The following ZNF667 variants were observed in gnomAD, a reference collection of about 807,000 sequenced individuals.
ZNF667 encodes the protein zinc finger protein 667, also known as myocardial ischemic preconditioning upregulated 1 ortholog.
Under a neutral mutation model 31.8 loss-of-function variants are expected in ZNF667, and 13 were observed. That is an observed-to-expected ratio of 0.41 (90% CI 0.27 to 0.65). The LOEUF (loss-of-function observed/expected upper bound fraction) is 0.65. Among genes scored for constraint, ZNF667 ranks in the 30% least tolerant of loss-of-function variants. The pLI, the probability that ZNF667 is intolerant of heterozygous loss-of-function variation, is 0.32. For synonymous variants in ZNF667, 228 were observed against 247.1 expected, an observed-to-expected ratio of 0.92 and a Z score of 0.73; for missense variants, 642 against 725.6, an observed-to-expected ratio of 0.88 and a Z score of 1.32.
At chr19:56,477,605 G>A (rs150574972), upstream of ZNF667, 614 of 152,708 alleles carry the variant, frequency 4.0e-3, 2 homozygotes, top group Non-Finnish European at 6.2e-3. Flanking sequence ...GGTCTCCTAG[G>A]GGACTGGCGC....
Position 56,476,111 on chromosome 19 carries a change from T to G in ZNF667, c.-662+1161A>C, listed in dbSNP as rs2043400291. ...TCTGTTATTACTACTGTTTTACAAGTGAACCGAGGAGTGGTGGACTTAAGT... is the reference window on the plus strand; with the variant it reads ...TCTGTTATTACTACTGTTTTACAAGGGAACCGAGGAGTGGTGGACTTAAGT... On this transcript the variant is annotated intron_variant, in intron 1 of 6. Transcript: ENST00000504904. Among the ~76,000 whole-genome samples, 4 of 152,290 alleles carry G rather than the reference T, an allele frequency of 2.6e-5. No individual in the cohort carries two copies. In the South Asian group the frequency reaches 8.3e-4, roughly 32 times the overall value.
At chr19:56,453,089 T>C (rs192729557) in intron 6 of ZNF667, among the ~76,000 whole-genome samples, 310 of 152,228 alleles carry the variant, frequency 2.0e-3, no homozygotes, top group African/African-American at 6.1e-3. Context: ...GAGACTACTA[T>C]GAGCAACCTA....
At chr19:56,447,643 G>T (rs370198993) in intron 6 of ZNF667, among the ~76,000 whole-genome samples, 3 of 151,948 alleles carry the variant, frequency 2.0e-5, no homozygotes, top group Admixed American at 2.0e-4. Flanking sequence ...AGCACTTTGG[G>T]AGGCCGAGGT....
Position 56,440,640 on chromosome 19 carries a change from ATT to A in ZNF667, c.*520_*521del, listed in dbSNP as rs5828682. The A allele has an allele frequency of 5.2e-4, 428 of 830,338 alleles. No homozygotes were observed. The highest frequency in any genetic ancestry group is 6.2e-4 in the Middle Eastern group (1 of 1,626). 51.4% of individuals were successfully genotyped at this position (830,338 alleles called of 1,614,324 possible). On this transcript the variant is annotated 3_prime_UTR_variant, in exon 7 of 7. Coordinates refer to ENST00000504904, the MANE Select transcript of ZNF667 (RefSeq NM_001321356.2). ...CTATGCTGGAAGTAAAATATCGGTA[ATT>A]TTTTTTTTTTTTGACACAGAGTCTT... is the stretch of plus-strand genomic sequence containing the variant.
chr19:56,461,954 CAT>C (rs151116974), intron 4 of ZNF667, among the ~76,000 whole-genome samples: 1,788 of 152,354 alleles, frequency 0.012, 44 homozygotes, highest in African/African-American at 0.041. Flanking sequence ...CTCCAGAGCA[CAT>C]GTCAAGTCCC....
rs2147840946 is a variant in ZNF667 at position 56,471,832 on chromosome 19, A to G, written c.-193T>C. On this transcript the variant is annotated 5_prime_UTR_variant, in exon 3 of 7. Coordinates refer to ENST00000504904, the MANE Select transcript of ZNF667 (RefSeq NM_001321356.2). ...AGCCACGCACCCCAAATTTGAGAAG[A>G]TGATTCTTGTCTGATATGGTCTGGC... The G allele has an allele frequency of 1.3e-5, 2 of 152,334 alleles. 1 individual carries two copies. Among genetic ancestry groups the G allele is most frequent in the Non-Finnish European group, 2.9e-5 (2 of 68,034 alleles). The allele number at this position is 152,334 out of a possible 1,614,324, so 9.4% of individuals were successfully genotyped here.
At position 56,442,258 on chromosome 19, in the gene ZNF667, A is replaced by T; in HGVS notation, c.737T>A (p.Ile246Asn). 2 of 1,614,080 alleles carry T rather than the reference A, an allele frequency of 1.2e-6. No homozygotes were observed. The highest frequency in any genetic ancestry group is 1.7e-6 in the Non-Finnish European group (2 of 1,180,016). ...CTGGCAGACATTCCCAACAACATGA[A>T]TTTTCTGATGTATATTGAAAGACTG... is the stretch of plus-strand genomic sequence containing the variant. ...QCQSFNIHQK[I>N]HVVGNVCQCR... Residue 246 changes from isoleucine (I) to asparagine (N), a missense_variant, in exon 7 of 7, where the codon ATT becomes AAT. By Grantham distance (149) the Ile-to-Asn change is moderately radical (BLOSUM62 -3). Transcript: ENST00000504904.
At chr19:56,473,162 T>G (rs545793594) in intron 2 of ZNF667, 1 of 152,362 alleles carries the variant, frequency 6.6e-6, no homozygotes, top group Non-Finnish European at 1.5e-5. Context: ...AAAGGGGCAG[T>G]ACATTTCCTT....
At position 56,442,626 on chromosome 19, in the gene ZNF667, A is replaced by G; in HGVS notation, c.369T>C (p.Ser123=). The part of the protein sequence containing the change: ...SAQQKAPTRK[S]GCNKNSVLVK... Reference sequence around the variant, plus strand: ...CTAGGACTGAATTTTTGTTGCAGCCACTCTTTCGTGTAGGAGCTTTTTGTT... The same window carrying G: ...CTAGGACTGAATTTTTGTTGCAGCCGCTCTTTCGTGTAGGAGCTTTTTGTT... Residue 123 remains serine, a synonymous_variant, in exon 7 of 7, where the codon AGT becomes AGC. Coordinates refer to ENST00000504904, the MANE Select transcript of ZNF667 (RefSeq NM_001321356.2). 6.2e-7 allele frequency: 1 copy of G among 1,613,634 alleles called. No homozygotes were observed. Among genetic ancestry groups the G allele is most frequent in the Non-Finnish European group, 8.5e-7 (1 of 1,179,832 alleles).
In ZNF667 at chr19:56,462,512, C is replaced by T. The variant is rs1172228729; in HGVS notation, c.-59-83G>A. On this transcript the variant is annotated intron_variant, in intron 3 of 6. Transcript: ENST00000504904. Reference sequence around the variant, plus strand: ...CTGGAGACACACACACACACAGACACACATGCACACATATGCACGTGCACA... The same window carrying T: ...CTGGAGACACACACACACACAGACATACATGCACACATATGCACGTGCACA... 8 of 838,224 alleles carry T rather than the reference C, an allele frequency of 9.5e-6. No homozygotes were observed. The East Asian group carries it at 1.2e-4, about 13-fold the overall frequency. The allele number at this position is 838,224 out of a possible 1,614,324, so 51.9% of individuals were successfully genotyped here.
At chr19:56,468,464 G>C (rs978813325) in intron 3 of ZNF667, 1 of 152,166 alleles carries the variant, frequency 6.6e-6, no homozygotes, top group African/African-American at 2.4e-5. Context: ...CCCTTGCTTC[G>C]AGTTGTCCCA....
intron 6 of ZNF667, among the ~76,000 whole-genome samples, chr19:56,457,119 A>C (rs1418910128): frequency 6.6e-6 from 1 of 152,194 alleles, no homozygotes; most frequent in African/African-American, 2.4e-5. Context: ...AATGCTACTT[A>C]AAGAAACAAA....
At chr19:56,453,542 T>C (rs923567457) in intron 6 of ZNF667, among the ~76,000 whole-genome samples, 2 of 152,218 alleles carry the variant, frequency 1.3e-5, no homozygotes, top group African/African-American at 4.8e-5. Flanking sequence ...CTTTGATATA[T>C]GCAAATCAAT....
chr19:56,464,562 T>C (rs1432728994), intron 3 of ZNF667, among the ~76,000 whole-genome samples: 2 of 152,246 alleles, frequency 1.3e-5, no homozygotes, highest in East Asian at 3.8e-4. Flanking sequence ...CTTTTCAATG[T>C]AGCCTCTGGA....
intron 6 of ZNF667, among the ~76,000 whole-genome samples, chr19:56,454,592 T>C (rs2042895538): frequency 6.6e-6 from 1 of 151,298 alleles, no homozygotes; most frequent in South Asian, 2.1e-4. Flanking sequence ...GGACAGTCTC[T>C]TCAATAAATT....
At chr19:56,454,980 G>GA (rs930488240) in intron 6 of ZNF667, among the ~76,000 whole-genome samples, 1 of 151,772 alleles carries the variant, frequency 6.6e-6, no homozygotes, top group Non-Finnish European at 1.5e-5. Context: ...AACTATATAG[G>GA]AAAAAAATGT....
chr19:56,467,799 G>C (rs2043195122), intron 3 of ZNF667: 1 of 152,212 alleles, frequency 6.6e-6, no homozygotes, highest in African/African-American at 2.4e-5. Flanking sequence ...GAAATACAAG[G>C]TATGTGTGAG....
At chr19:56,451,889 A>AAC (rs2147727047) in intron 6 of ZNF667, among the ~76,000 whole-genome samples, 1 of 109,950 alleles carries the variant, frequency 9.1e-6, no homozygotes, top group East Asian at 2.1e-4. Flanking sequence ...AAAAAAAAAA[A>AAC]AAAAAAAAAA....
intron 3 of ZNF667, among the ~76,000 whole-genome samples, chr19:56,463,335 C>G (rs888583530): frequency 6.6e-6 from 1 of 152,052 alleles, no homozygotes; most frequent in African/African-American, 2.4e-5. Context: ...GGTGGCATGA[C>G]TAGGGTGGGT....
Sources: allele counts gnomAD v4.1 joint callset (sites outside exome capture counted in the v4.1 genomes callset), GRCh38; gene constraint gnomAD v4.1.1; transcripts MANE v1.5; gene names NCBI Gene and HGNC (gene_info 2026-07-23, HGNC 2026-07-21).